CTNND1: variants seen among roughly 807,000 people sequenced by gnomAD.
The protein encoded by CTNND1 is catenin delta 1.
A neutral mutation model predicts 112.1 loss-of-function variants in CTNND1; 16 were observed. The observed-to-expected ratio is 0.14, with a 90% CI of 0.10 to 0.22. The LOEUF (loss-of-function observed/expected upper bound fraction) is 0.22, where lower values mean the gene tolerates loss of function less well. Among genes scored for constraint, CTNND1 ranks in the 10% least tolerant of loss-of-function variants. The pLI, the probability that CTNND1 is intolerant of heterozygous loss-of-function variation, is 1.00. For synonymous variants in CTNND1, 420 were observed against 446.5 expected, an observed-to-expected ratio of 0.94 and a Z score of 0.75; for missense variants, 1,008 against 1,257.0, an observed-to-expected ratio of 0.80 and a Z score of 3.00.
intron 13 of CTNND1, 42 bp from the exon 14 acceptor site, chr11:57,808,348 C>T (rs1372752063): frequency 1.7e-5 from 27 of 1,598,330 alleles, no homozygotes; most frequent in Non-Finnish European, 2.1e-5. Context: ...TAGTTTGCTG[C>T]CATTTGTAAT....
intron 1 of CTNND1, among the ~76,000 whole-genome samples, chr11:57,775,233 G>A (rs996667489): frequency 5.3e-5 from 8 of 151,744 alleles, no homozygotes; most frequent in African/African-American, 1.9e-4. Flanking sequence ...GCCAGGCACG[G>A]TGGCCTGTGC....
chr11:57,788,921 A>C lies in CTNND1; in HGVS notation c.-213-116A>C. 1.3e-6 allele frequency: 1 copy of C among 786,006 alleles called. No individual in the cohort carries two copies. The highest frequency in any genetic ancestry group is 1.5e-5 in the South Asian group (1 of 65,500). The allele number at this position is 786,006 out of a possible 1,614,324, so 48.7% of individuals were successfully genotyped here. On this transcript the variant is annotated intron_variant, in intron 1 of 20. Transcript: ENST00000399050. This position sits in a 1 kb window ranked among gnomAD's most constrained non-coding sequence, Gnocchi z 4.1. ...TTGTCACATTAAGCAATTCCAAGTC[A>C]TATTTTAAATTACTTCCTTTCATTC...
At chr11:57,799,703 A>T (rs1194624951) in intron 6 of CTNND1, among the ~76,000 whole-genome samples, 1 of 152,192 alleles carries the variant, frequency 6.6e-6, no homozygotes, top group Admixed American at 6.5e-5. Flanking sequence ...AGGATATAGG[A>T]TAGAGTTATC....
Position 57,817,263 on chromosome 11 carries a change from T to A in CTNND1, c.*955T>A, listed in dbSNP as rs1247124887. On this transcript the variant is annotated 3_prime_UTR_variant, in exon 21 of 21. Transcript: ENST00000399050. The stretch of plus-strand genomic sequence containing the variant: ...CCCGTTTCTCCTTTTCCTATCCTTA[T>A]AGGCCTGTCCCTTGCCTCTGCCCTG... 2.0e-5 allele frequency: 3 copies of A among 153,106 alleles called. No homozygotes were observed. Among genetic ancestry groups the A allele is most frequent in the Non-Finnish European group, 4.4e-5 (3 of 68,406 alleles). The allele number at this position is 153,106 out of a possible 1,614,324, so 9.5% of individuals were successfully genotyped here. A position where few individuals can be genotyped will look rare whatever the true frequency, so the allele number is the denominator to read the frequency against.
intron 6 of CTNND1, among the ~76,000 whole-genome samples, chr11:57,799,979 GTTTTTTTTTTT>G (rs1157141511): frequency 1.7e-3 from 103 of 58,860 alleles, no homozygotes; most frequent in Non-Finnish European, 2.0e-3. Context: ...TTGTTTCCGT[GTTTTTTTTTTT>G]TTTTTTTTTT....
intron 18 of CTNND1, among the ~76,000 whole-genome samples, 174 bp from the exon 19 acceptor site, chr11:57,815,220 G>A (rs893822701): frequency 4.6e-5 from 7 of 152,100 alleles, no homozygotes; most frequent in Non-Finnish European, 5.9e-5. Flanking sequence ...GAGCCACCAC[G>A]GTCAGCCAGA....
chr11:57,796,312 G>T, intron 5 of CTNND1, 145 bp from the exon 6 acceptor site: 1 of 711,858 alleles, frequency 1.4e-6, no homozygotes, highest in Non-Finnish European at 2.2e-6. Flanking sequence ...CGTGAACCTG[G>T]GAGGCAGAGG....
In CTNND1 at chr11:57,806,907, T is replaced by G. The variant is rs1358696437; in HGVS notation, c.1895-8T>G. The stretch of plus-strand genomic sequence containing the variant: ...TACCCCTTTTCCCGCCCTTTTTCAT[T>G]TTTGTAGGGAAAAAACCTATAGAGG... On this transcript the variant is annotated splice_polypyrimidine_tract_variant and splice_region_variant and intron_variant, in intron 11 of 20. Transcript: ENST00000399050. 3.1e-6 allele frequency: 5 copies of G among 1,589,436 alleles called. No individual in the cohort carries two copies. The African/African-American group carries it at 6.7e-5, about 21-fold the overall frequency.
intron 19 of CTNND1, 73 bp downstream of exon 19, chr11:57,815,573 CAAA>C (rs761494462): frequency 8.0e-7 from 1 of 1,242,834 alleles, no homozygotes; most frequent in African/African-American, 1.5e-5. Context: ...TTGTGAAACA[CAAA>C]AAAAAGTACA....
rs2064100137 is a variant in CTNND1 at position 57,818,665 on chromosome 11, T to C, written c.*2357T>C. The C allele has an allele frequency of 6.6e-6, 1 of 152,242 alleles. No homozygotes were observed. Among genetic ancestry groups the C allele is most frequent in the African/African-American group, 2.4e-5 (1 of 41,464 alleles). The allele number at this position is 152,242 out of a possible 1,614,324, so 9.4% of individuals were successfully genotyped here. On this transcript the variant is annotated 3_prime_UTR_variant, in exon 21 of 21. Transcript: ENST00000399050. ...TCTGAAGATTCTTAAAAATTGAATG[T>C]GGCTGAAGTTGAACATGGGAGCTTA...
In CTNND1 at chr11:57,793,542, C is replaced by A. The variant is rs190987546; in HGVS notation, c.196-468C>A. Among the ~76,000 whole-genome samples the A allele has an allele frequency of 2.6e-4, 40 of 152,292 alleles. 1 individual carries two copies. The highest frequency in any genetic ancestry group is 2.4e-3 in the Admixed American group (37 of 15,304). Reference sequence around the variant, plus strand: ...GGAATGGGAGTTTCCAGTGGTAGTACTGCATGAAGATTCATGAGACTATAA... The same window carrying A: ...GGAATGGGAGTTTCCAGTGGTAGTAATGCATGAAGATTCATGAGACTATAA... On this transcript the variant is annotated intron_variant, in intron 3 of 20. Coordinates refer to ENST00000399050, the MANE Select transcript of CTNND1 (RefSeq NM_001085458.2).
At position 57,761,886 on chromosome 11, in the gene CTNND1, AAG is replaced by A. The variant is rs895094560; in HGVS notation, c.-440_-439del. On this transcript the variant is annotated 5_prime_UTR_variant, in exon 1 of 21. Transcript: ENST00000399050. ...GGTGTTGGATCTGAGGGGGAAAAAAAAGAGAGAGGGAGAGAGAGAGAAAGAAG... is the reference window on the plus strand; with the variant it reads ...GGTGTTGGATCTGAGGGGGAAAAAAAAGAGAGGGAGAGAGAGAGAAAGAAG... The A allele has an allele frequency of 1.3e-5, 13 of 985,368 alleles. No individual in the cohort carries two copies. Among genetic ancestry groups the A allele is most frequent in the East Asian group, 2.3e-4 (2 of 8,800 alleles). 61.0% of individuals were successfully genotyped at this position (985,368 alleles called of 1,614,324 possible).
At chr11:57,806,360 T>C in intron 10 of CTNND1, 101 bp from the exon 11 acceptor site, 1 of 1,119,582 alleles carries the variant, frequency 8.9e-7, no homozygotes, top group South Asian at 1.4e-5. Context: ...TTCTCTGTGC[T>C]TCCCTGCTTA....
At chr11:57,781,824 G>T (rs1193605592) in intron 1 of CTNND1, among the ~76,000 whole-genome samples, 1 of 152,094 alleles carries the variant, frequency 6.6e-6, no homozygotes, top group Non-Finnish European at 1.5e-5. Context: ...AGAGAAGCAG[G>T]TTTTTTTCTT....
chr11:57,812,755 A>G (rs2063519827), intron 17 of CTNND1, among the ~76,000 whole-genome samples: 1 of 152,026 alleles, frequency 6.6e-6, no homozygotes, highest in Non-Finnish European at 1.5e-5. Context: ...GGGTCAAGCG[A>G]TCCTCCTGCC....
At chr11:57,762,256 T>C (rs1591043611) in intron 1 of CTNND1, 137 bp downstream of exon 1, 1 of 250,196 alleles carries the variant, frequency 4.0e-6, no homozygotes, top group Non-Finnish European at 6.3e-6. Flanking sequence ...AGGTAAAATA[T>C]ACAAGACCTA....
In CTNND1 at chr11:57,801,786, C is replaced by T. The variant is rs765137672; in HGVS notation, c.1010C>T (p.Ala337Val). The change falls in exon 7 of 21, where the codon GCT becomes GTT. Residue 337 changes from alanine to valine, a missense_variant. Ala to Val is a moderately conservative substitution (Grantham distance 64). Around this residue, in one of 5 missense-constraint regions of CTNND1, gnomAD observed 216 missense variants for 342.8 expected, o/e 0.63. Coordinates refer to ENST00000399050, the MANE Select transcript of CTNND1 (RefSeq NM_001085458.2). ...EEVPSDQYYW[A>V]PLAQHERGSL... is the part of the protein sequence containing the mutation. ...GTGCCATCGGATCAATACTACTGGG[C>T]TCCTTTGGCCCAGCATGAGCGAGGA... 5.0e-6 allele frequency: 8 copies of T among 1,613,992 alleles called. No individual in the cohort carries two copies. In the East Asian group the frequency reaches 1.8e-4, roughly 36 times the overall value.
In CTNND1 at chr11:57,818,166, C is replaced by T. The variant is rs1276343393; in HGVS notation, c.*1858C>T. 6.6e-6 allele frequency: 1 copy of T among 152,240 alleles called. No individual in the cohort carries two copies. The highest frequency in any genetic ancestry group is 1.5e-5 in the Non-Finnish European group (1 of 68,030). The allele number at this position is 152,240 out of a possible 1,614,324, so 9.4% of individuals were successfully genotyped here. A position where few individuals can be genotyped will look rare whatever the true frequency, so the allele number is the denominator to read the frequency against. ...CCAGACCTGGCTCCACTCTTGATCT[C>T]TCTTGTCCTCTTCTGCTCTTTTCCT... On this transcript the variant is annotated 3_prime_UTR_variant, in exon 21 of 21. Transcript: ENST00000399050.
chr11:57,771,426 A>ATAGAGTATAT (rs1365973975), intron 1 of CTNND1, among the ~76,000 whole-genome samples: 1 of 152,034 alleles, frequency 6.6e-6, no homozygotes, highest in Non-Finnish European at 1.5e-5. Context: ...GTTATTTTAT[A>ATAGAGTATAT]TAGAGTGGTC....
Sources: gnomAD v4.1 joint callset for allele counts (sites outside exome capture counted in the v4.1 genomes callset) on GRCh38, gnomAD v4.1.1 for gene constraint, gnomAD v4.1.1 regional missense constraint, Gnocchi (gnomAD v3.1) non-coding constraint, MANE v1.5 for transcripts, NCBI Gene and HGNC (gene_info 2026-07-23, HGNC 2026-07-21) for gene names.